Variants in HYCC1 observed in about 807,000 individuals in gnomAD.
The protein encoded by HYCC1 is hyccin PI4KA lipid kinase complex subunit 1.
At chr7:23,002,687 A>G in the HYCC1 span, among the ~76,000 whole-genome samples, 1 of 152,118 alleles carries the variant, frequency 6.6e-6, no homozygotes, top group Non-Finnish European at 1.5e-5. Context: ...TTGGCAAACT[A>G]TTTCTTGGGA....
At chr7:22,961,087 C>T in the HYCC1 span, 1 of 561,726 alleles carries the variant, frequency 1.8e-6, no homozygotes, top group South Asian at 2.4e-5. Context: ...TGTTACTTTT[C>T]TAAGTTATAA....
chr7:22,961,178 G>A, the HYCC1 span: 2 of 1,124,870 alleles, frequency 1.8e-6, no homozygotes, highest in Non-Finnish European at 1.4e-6. Flanking sequence ...TCAATTTATA[G>A]TTCTAAATTG....
the HYCC1 span, among the ~76,000 whole-genome samples, chr7:23,012,640 T>C: frequency 1.3e-5 from 2 of 152,254 alleles, no homozygotes; most frequent in East Asian, 3.9e-4. Context: ...ACTTCAAAAA[T>C]ATGGTGGTTT....
chr7:23,009,836 T>C, the HYCC1 span, among the ~76,000 whole-genome samples: 10 of 152,204 alleles, frequency 6.6e-5, no homozygotes, highest in African/African-American at 2.2e-4. Flanking sequence ...AGATTTCTTC[T>C]GAGCAAAGAT....
At chr7:22,959,261 T>C in the HYCC1 span, among the ~76,000 whole-genome samples, 2,402 of 152,252 alleles carry the variant, frequency 0.016, 67 homozygotes, top group African/African-American at 0.055. Flanking sequence ...TACAATCACC[T>C]AGATTCCTTA....
At chr7:22,913,895 C>G in the HYCC1 span, among the ~76,000 whole-genome samples, 4 of 152,344 alleles carry the variant, frequency 2.6e-5, no homozygotes, top group South Asian at 8.3e-4. Context: ...CTCACCCTCA[C>G]TCCATGAGGA....
At chr7:22,897,902 G>A in the HYCC1 span, among the ~76,000 whole-genome samples, 1 of 151,988 alleles carries the variant, frequency 6.6e-6, no homozygotes, top group Non-Finnish European at 1.5e-5. Flanking sequence ...CCAAAGTGCT[G>A]GGATTACAGG....
the HYCC1 span, among the ~76,000 whole-genome samples, chr7:22,926,664 A>G: frequency 2.0e-5 from 3 of 151,854 alleles, no homozygotes; most frequent in Non-Finnish European, 2.9e-5. Flanking sequence ...CCAATACAGG[A>G]GCACCCAGAT....
chr7:22,900,400 A>G, the HYCC1 span, among the ~76,000 whole-genome samples: 45 of 151,992 alleles, frequency 3.0e-4, no homozygotes, highest in Middle Eastern at 3.4e-3. Context: ...TCATTCTCCA[A>G]TTCTAGAATG....
chr7:22,995,454 C>T, the HYCC1 span, among the ~76,000 whole-genome samples: 8 of 152,118 alleles, frequency 5.3e-5, no homozygotes, highest in Non-Finnish European at 7.4e-5. Context: ...CTCAATCCTA[C>T]GATCAAAGTC....
the HYCC1 span, among the ~76,000 whole-genome samples, chr7:23,008,398 A>T: frequency 0.016 from 2,447 of 152,118 alleles, 70 homozygotes; most frequent in African/African-American, 0.056. Flanking sequence ...GAAAACTCAA[A>T]ACTACATCTT....
the HYCC1 span, among the ~76,000 whole-genome samples, chr7:22,993,293 T>C: frequency 5.3e-5 from 8 of 152,280 alleles, no homozygotes; most frequent in Non-Finnish European, 8.8e-5. Flanking sequence ...ATAAGGCTTT[T>C]AGAAGAAAAT....
chr7:22,906,492 C>T, the HYCC1 span, among the ~76,000 whole-genome samples: 1 of 151,536 alleles, frequency 6.6e-6, no homozygotes, highest in South Asian at 2.1e-4. Context: ...GCACGAGAAT[C>T]ACTTGAACCT....
the HYCC1 span, chr7:22,960,453 A>T: frequency 6.7e-7 from 1 of 1,497,468 alleles, no homozygotes; most frequent in Non-Finnish European, 9.3e-7. Context: ...CAACATGAGC[A>T]GATAGAGCAG....
At chr7:22,929,529 C>T in the HYCC1 span, among the ~76,000 whole-genome samples, 15 of 151,890 alleles carry the variant, frequency 9.9e-5, no homozygotes. Flanking sequence ...AAAAGTGGGC[C>T]AAGGATATGA....
the HYCC1 span, among the ~76,000 whole-genome samples, chr7:22,952,944 C>G: frequency 6.6e-6 from 1 of 151,862 alleles, no homozygotes; most frequent in African/African-American, 2.4e-5. Flanking sequence ...CTGGGGCATA[C>G]AGAAAAACAG....
the HYCC1 span, among the ~76,000 whole-genome samples, chr7:22,909,914 C>T: frequency 1.3e-5 from 2 of 152,224 alleles, no homozygotes; most frequent in African/African-American, 4.8e-5. Flanking sequence ...ATGACCCTCA[C>T]ATCTTTGCAT....
chr7:22,985,325 T>C, the HYCC1 span, among the ~76,000 whole-genome samples: 87 of 152,310 alleles, frequency 5.7e-4, no homozygotes, highest in African/African-American at 2.1e-3. Flanking sequence ...TGTGAGCTCC[T>C]TGAGGGCAAG....
chr7:22,966,732 T>C, the HYCC1 span, among the ~76,000 whole-genome samples: 3 of 152,218 alleles, frequency 2.0e-5, no homozygotes, highest in African/African-American at 7.2e-5. Context: ...AATGTCTAAG[T>C]ATGCCACAGA....
Sources: allele counts gnomAD v4.1 joint callset (sites outside exome capture counted in the v4.1 genomes callset), GRCh38; gene constraint gnomAD v4.1.1; transcripts MANE v1.5; gene names NCBI Gene and HGNC (gene_info 2026-07-23, HGNC 2026-07-21).